Variants in HGSNAT observed in about 807,000 individuals in gnomAD.
The protein encoded by HGSNAT is heparan-alpha-glucosaminide N-acetyltransferase, also known as transmembrane protein 76.
Under a neutral mutation model 85.2 loss-of-function variants are expected in HGSNAT, and 59 were observed. The observed-to-expected ratio is 0.69, with a 90% CI of 0.56 to 0.86. The LOEUF (loss-of-function observed/expected upper bound fraction) is 0.86. Ranked by LOEUF, HGSNAT falls within the 40% of genes least tolerant of loss-of-function variation. The probability of loss-of-function intolerance (pLI) is 0.00; values close to 1 mark genes in which losing one functional copy is unlikely to be tolerated. For synonymous variants in HGSNAT, 321 were observed against 304.5 expected (o/e 1.05, Z -0.56); for missense variants, 756 against 777.1 (o/e 0.97, Z 0.32).
chr8:43,154,538 C>T (rs1037281010), intron 2 of HGSNAT, among the ~76,000 whole-genome samples: 20 of 152,122 alleles, frequency 1.3e-4, no homozygotes, highest in Admixed American at 9.8e-4. Context: ...CCTTTTTTAT[C>T]GCTGCCTAGT....
At chr8:43,141,792 A>G (rs533452258) in intron 1 of HGSNAT, among the ~76,000 whole-genome samples, 77 of 152,132 alleles carry the variant, frequency 5.1e-4, no homozygotes, top group Middle Eastern at 3.4e-3. Context: ...CTCCTTTAAA[A>G]TTGCAAGGAC....
intron 5 of HGSNAT, among the ~76,000 whole-genome samples, chr8:43,163,521 C>CTT (rs561461706): frequency 1.4e-5 from 2 of 143,392 alleles, no homozygotes; most frequent in Admixed American, 7.0e-5. Context: ...CCTTTTCACC[C>CTT]TTTTTTTTTT....
chr8:43,172,079 A>G (rs908504532), intron 7 of HGSNAT, among the ~76,000 whole-genome samples: 2 of 152,228 alleles, frequency 1.3e-5, no homozygotes, highest in African/African-American at 4.8e-5. Flanking sequence ...TTTGGTTAAG[A>G]CATCATGTTG....
rs754963693 is a variant in HGSNAT at position 43,182,319 on chromosome 8, G to A, written c.1128+59G>A. ...TTTTAAATTAAAAAAAATGTATTGT[G>A]TGGTGATACGGTCTCACTATGTTGT... On this transcript the variant is annotated intron_variant, in intron 11 of 17. Coordinates refer to ENST00000379644, the MANE Select transcript of HGSNAT (RefSeq NM_152419.3). The A allele has an allele frequency of 3.0e-5, 38 of 1,283,158 alleles. No homozygotes were observed. The African/African-American group carries it at 5.3e-4, about 18-fold the overall frequency. The allele number at this position is 1,283,158 out of a possible 1,614,324, so 79.5% of individuals were successfully genotyped here.
intron 2 of HGSNAT, among the ~76,000 whole-genome samples, chr8:43,151,728 A>G (rs539273394): frequency 6.2e-4 from 94 of 152,336 alleles, no homozygotes; most frequent in African/African-American, 2.1e-3. Flanking sequence ...TATGAAAAAA[A>G]TGCATGTAAA....
intron 1 of HGSNAT, among the ~76,000 whole-genome samples, chr8:43,143,259 C>T (rs572166005): frequency 3.3e-5 from 5 of 152,310 alleles, no homozygotes; most frequent in Admixed American, 1.3e-4. Flanking sequence ...AAAACATGTT[C>T]AAACTTGTTA....
At chr8:43,189,451 C>G (rs1234440914) in intron 11 of HGSNAT, among the ~76,000 whole-genome samples, 1 of 152,196 alleles carries the variant, frequency 6.6e-6, no homozygotes, top group African/African-American at 2.4e-5. Flanking sequence ...AAGATATAAT[C>G]TCCTGGTGTG....
chr8:43,159,625 T>G (rs772716280), intron 4 of HGSNAT, among the ~76,000 whole-genome samples: 9 of 152,200 alleles, frequency 5.9e-5, no homozygotes, highest in Non-Finnish European at 1.2e-4. Context: ...ATTCTCATAG[T>G]TTTTAGTTTA....
intron 14 of HGSNAT, 42 bp from the exon 15 acceptor site, chr8:43,196,906 C>A (rs761091852): frequency 8.4e-7 from 1 of 1,189,424 alleles, no homozygotes; most frequent in Non-Finnish European, 1.3e-6. Flanking sequence ...TAAAAATATC[C>A]CTTTGGCGAT....
intron 1 of HGSNAT, among the ~76,000 whole-genome samples, chr8:43,142,011 G>C (rs553546838): frequency 1.3e-5 from 2 of 152,110 alleles, no homozygotes; most frequent in African/African-American, 4.8e-5. Flanking sequence ...TGTTTGGGCC[G>C]CACAGCTTTC....
At chr8:43,161,832 G>T (rs1803277121) in intron 5 of HGSNAT, among the ~76,000 whole-genome samples, 1 of 152,210 alleles carries the variant, frequency 6.6e-6, no homozygotes. Flanking sequence ...ACAATTTTAG[G>T]AGGAGGTCGC....
In HGSNAT at chr8:43,160,212, C is replaced by T. The variant is rs549612398; in HGVS notation, c.493+1168C>T. Among the ~76,000 whole-genome samples the T allele has an allele frequency of 7.9e-4, 120 of 152,282 alleles. 1 individual carries two copies. The highest frequency in any genetic ancestry group is 1.3e-3 in the Non-Finnish European group (89 of 68,012). On this transcript the variant is annotated intron_variant, in intron 4 of 17. Transcript: ENST00000379644. ...GAGAGATTTAAGCATTTATTTTGCCCGTTTTAACTGTAATTCAGGGTAACC... is the reference window on the plus strand; with the variant it reads ...GAGAGATTTAAGCATTTATTTTGCCTGTTTTAACTGTAATTCAGGGTAACC...
chr8:43,199,315 C>A, intron 17 of HGSNAT, 73 bp from the exon 18 acceptor site: 2 of 1,137,036 alleles, frequency 1.8e-6, no homozygotes, highest in South Asian at 1.6e-5. Flanking sequence ...GAACTGGTTT[C>A]AAGAATTAAA....
At chr8:43,196,504 GC>G in intron 14 of HGSNAT, 4 of 1,290,026 alleles carry the variant, frequency 3.1e-6, no homozygotes, top group Non-Finnish European at 3.0e-6. Context: ...TTCTCTTTGG[GC>G]CCTGCCTGGA....
At chr8:43,194,631 GC>G in intron 14 of HGSNAT, 2 of 504,646 alleles carry the variant, frequency 4.0e-6, no homozygotes, top group Non-Finnish European at 5.1e-6. Flanking sequence ...CTTGATTGGG[GC>G]ATGTCCTTCA....
intron 1 of HGSNAT, among the ~76,000 whole-genome samples, chr8:43,141,861 CACTCTT>C (rs921960046): frequency 7.9e-5 from 12 of 152,130 alleles, no homozygotes; most frequent in Admixed American, 7.9e-4. Context: ...TCCCGCCGAA[CACTCTT>C]TGCATTTTAG....
Position 43,172,401 on chromosome 8 carries a change from A to G in HGSNAT, c.820+15A>G, listed in dbSNP as rs1586727120. 2 of 1,550,084 alleles carry G rather than the reference A, an allele frequency of 1.3e-6. No individual in the cohort carries two copies. The highest frequency in any genetic ancestry group is 2.2e-5 in the South Asian group (2 of 89,640). On this transcript the variant is annotated intron_variant, in intron 8 of 17. Transcript: ENST00000379644. ...AAGTTGGAATGGTAAGATATTTCCTAAAAGTAATGTTGCTTATATACGTCC... is the reference window on the plus strand; with the variant it reads ...AAGTTGGAATGGTAAGATATTTCCTGAAAGTAATGTTGCTTATATACGTCC...
At chr8:43,176,660 A>G (rs563800110) in intron 9 of HGSNAT, among the ~76,000 whole-genome samples, 13 of 152,172 alleles carry the variant, frequency 8.5e-5, no homozygotes, top group African/African-American at 3.1e-4. Flanking sequence ...TAACAATATT[A>G]ATTTTTCTAA....
chr8:43,143,163 G>A (rs772893060), intron 1 of HGSNAT, among the ~76,000 whole-genome samples: 2 of 152,186 alleles, frequency 1.3e-5, no homozygotes, highest in Non-Finnish European at 2.9e-5. Flanking sequence ...TACCTCAGAA[G>A]GTGTCAGGGA....
Sources: allele counts gnomAD v4.1 joint callset (sites outside exome capture counted in the v4.1 genomes callset), GRCh38; gene constraint gnomAD v4.1.1; transcripts MANE v1.5; gene names NCBI Gene and HGNC (gene_info 2026-07-23, HGNC 2026-07-21).